The following RPGRIP1L variants were observed in gnomAD, a reference collection of about 807,000 sequenced individuals.
The protein encoded by RPGRIP1L is RPGRIP1 like.
Under a neutral mutation model 160.4 loss-of-function variants are expected in RPGRIP1L, and 131 were observed. The ratio of observed to expected loss-of-function variants is 0.82; its 90% CI spans 0.71 to 0.94. RPGRIP1L has a LOEUF of 0.94. Ranked by LOEUF, RPGRIP1L falls within the 40% of genes least tolerant of loss-of-function variation. RPGRIP1L has a pLI of 0.00. For synonymous variants in RPGRIP1L, 510 were observed against 515.8 expected, an observed-to-expected ratio of 0.99 and a Z score of 0.15; for missense variants, 1,522 against 1,535.8, an observed-to-expected ratio of 0.99 and a Z score of 0.15.
At chr16:53,684,266 T>C (rs1969825769) in intron 6 of RPGRIP1L, among the ~76,000 whole-genome samples, 1 of 152,034 alleles carries the variant, frequency 6.6e-6, no homozygotes, top group African/African-American at 2.4e-5. Flanking sequence ...GGATTATAAA[T>C]CATGCTGCTA....
At chr16:53,621,553 G>T (rs933350636) in intron 23 of RPGRIP1L, among the ~76,000 whole-genome samples, 61 of 150,408 alleles carry the variant, frequency 4.1e-4, no homozygotes, top group Admixed American at 3.3e-3. Flanking sequence ...TTCATTTAAT[G>T]CTACATGAAT....
chr16:53,633,181 G>GA (rs1324711573), intron 22 of RPGRIP1L, among the ~76,000 whole-genome samples: 1 of 152,024 alleles, frequency 6.6e-6, no homozygotes, highest in Non-Finnish European at 1.5e-5. Context: ...GAAGACAAAA[G>GA]AAAAAACTAA....
Position 53,657,452 on chromosome 16 carries a change from C to A in RPGRIP1L, c.1581+1G>T. ...TTTCCCCATTTAGTGTATTACATTA[C>A]CTGATAATCTTTATTAATTTTGTGT... On this transcript the variant is annotated splice_donor_variant, in intron 13 of 26. Transcript: ENST00000647211. LOFTEE classifies it high-confidence loss of function. 3 of 1,593,674 alleles carry A rather than the reference C, an allele frequency of 1.9e-6. No homozygotes were observed. Among genetic ancestry groups the A allele is most frequent in the Non-Finnish European group, 2.6e-6 (3 of 1,163,098 alleles).
At chr16:53,687,211 G>A (rs973520832) in intron 5 of RPGRIP1L, among the ~76,000 whole-genome samples, 3 of 152,122 alleles carry the variant, frequency 2.0e-5, no homozygotes, top group Admixed American at 1.3e-4. Context: ...TCTTAAGTAT[G>A]ATACTGTGCG....
chr16:53,657,772 CTGATATATAT>C (rs1967392907), intron 12 of RPGRIP1L, 140 bp from the exon 13 acceptor site: 3 of 600,552 alleles, frequency 5.0e-6, no homozygotes, highest in Middle Eastern at 8.9e-4. Flanking sequence ...AAAGGAAGTC[CTGATATATAT>C]ATCAGGACTG....
chr16:53,602,124 A>G lies in RPGRIP1L; in HGVS notation c.3900T>C (p.His1300=). Residue 1300 remains histidine, a synonymous_variant, in exon 27 of 27, where the codon CAT becomes CAC. Coordinates refer to ENST00000647211, the MANE Select transcript of RPGRIP1L (RefSeq NM_015272.5). ...GKLRVTVEAL[H]ALQSVYKQYR... ...ATTGCTTGTAGACAGACTGGAGGGC[A>G]TGGAGAGCTTCGACTGTTACCCTGA... 1 of 1,613,994 alleles carries G rather than the reference A, an allele frequency of 6.2e-7. No individual in the cohort carries two copies. Among genetic ancestry groups the G allele is most frequent in the Non-Finnish European group, 8.5e-7 (1 of 1,179,916 alleles).
chr16:53,623,263 C>T (rs1964859560), intron 22 of RPGRIP1L, among the ~76,000 whole-genome samples: 1 of 152,102 alleles, frequency 6.6e-6, no homozygotes, highest in African/African-American at 2.4e-5. Flanking sequence ...GATTTGAGAG[C>T]GAACTGGTAG....
chr16:53,631,377 T>C (rs1337481842), intron 22 of RPGRIP1L, among the ~76,000 whole-genome samples: 1 of 152,168 alleles, frequency 6.6e-6, no homozygotes, highest in Non-Finnish European at 1.5e-5. Context: ...ATGATGTAAA[T>C]ATGCACTGCA....
intron 26 of RPGRIP1L, among the ~76,000 whole-genome samples, chr16:53,603,196 A>C (rs1183284657): frequency 6.6e-6 from 1 of 152,224 alleles, no homozygotes; most frequent in African/African-American, 2.4e-5. Flanking sequence ...CAGTGGTGGA[A>C]GCCAAATGGG....
At chr16:53,624,196 A>G (rs899737984) in intron 22 of RPGRIP1L, among the ~76,000 whole-genome samples, 1 of 152,220 alleles carries the variant, frequency 6.6e-6, no homozygotes, top group African/African-American at 2.4e-5. Context: ...CCAGCCTAGA[A>G]TATCTTTTAT....
chr16:53,638,486 C>T, intron 19 of RPGRIP1L, 75 bp from the exon 20 acceptor site: 3 of 791,506 alleles, frequency 3.8e-6, no homozygotes, highest in Admixed American at 2.0e-5. Context: ...CTATCATATA[C>T]ATATTGAACT....
chr16:53,648,124 A>AAAAAAAAAAAC (rs1337226089), intron 16 of RPGRIP1L, among the ~76,000 whole-genome samples: 1 of 151,536 alleles, frequency 6.6e-6, no homozygotes, highest in African/African-American at 2.4e-5. Flanking sequence ...AAAAAAAAAA[A>AAAAAAAAAAAC]AAAGATTCAT....
chr16:53,696,192 T>G lies in RPGRIP1L; in HGVS notation c.189A>C (p.Leu63Phe), dbSNP rs1970744027. ...CCTGCTTGCGGGCATGCTGTTTAAG[T>G]AAAATGTTCTCATCATGCAAACGCA... ...RFLRLHDENI[L>F]LKQHARKQED... The change falls in exon 3 of 27, where the codon TTA becomes TTC. Residue 63 changes from leucine to phenylalanine, a missense_variant. By Grantham distance (22) the Leu-to-Phe change is conservative (BLOSUM62 0). Transcript: ENST00000647211. 1 of 1,613,914 alleles carries G rather than the reference T, an allele frequency of 6.2e-7. No homozygotes were observed. The highest frequency in any genetic ancestry group is 1.3e-5 in the African/African-American group (1 of 74,914).
chr16:53,605,253 A>G, intron 26 of RPGRIP1L: 1 of 603,078 alleles, frequency 1.7e-6, no homozygotes, highest in Non-Finnish European at 2.9e-6. Context: ...TTGTGAAGCT[A>G]AATTAATTAT....
chr16:53,679,052 C>T (rs572456888), intron 6 of RPGRIP1L, among the ~76,000 whole-genome samples: 1 of 152,330 alleles, frequency 6.6e-6, no homozygotes, highest in South Asian at 2.1e-4. Flanking sequence ...AAAATTGCTA[C>T]TTGACTTCAT....
chr16:53,667,295 C>T (rs906431500), intron 9 of RPGRIP1L, among the ~76,000 whole-genome samples: 2 of 152,134 alleles, frequency 1.3e-5, no homozygotes, highest in African/African-American at 2.4e-5. Flanking sequence ...ACACCCTTGA[C>T]CAAAAACATG....
chr16:53,665,223 G>A (rs1024688603), intron 9 of RPGRIP1L, among the ~76,000 whole-genome samples: 26 of 152,246 alleles, frequency 1.7e-4, no homozygotes, highest in African/African-American at 6.0e-4. Flanking sequence ...AAAGGAACTG[G>A]CCTTAATTTA....
chr16:53,637,442 C>G (rs1965910791), intron 21 of RPGRIP1L, among the ~76,000 whole-genome samples: 1 of 152,066 alleles, frequency 6.6e-6, no homozygotes, highest in South Asian at 2.1e-4. Context: ...CTGTTTAAAA[C>G]ATAAATTGGG....
At chr16:53,638,163 G>C in intron 20 of RPGRIP1L, 147 bp downstream of exon 20, 1 of 649,128 alleles carries the variant, frequency 1.5e-6, no homozygotes, top group Non-Finnish European at 2.7e-6. Context: ...TGTTACCCTT[G>C]TCATATTTTT....
Sources: gnomAD v4.1 joint callset for allele counts (sites outside exome capture counted in the v4.1 genomes callset) on GRCh38, gnomAD v4.1.1 for gene constraint, MANE v1.5 for transcripts, NCBI Gene and HGNC (gene_info 2026-07-23, HGNC 2026-07-21) for gene names.